The following PTPRD variants were observed in gnomAD, a reference collection of about 807,000 sequenced individuals.
PTPRD encodes the protein protein tyrosine phosphatase receptor type D.
Under a neutral mutation model 214.5 loss-of-function variants are expected in PTPRD, and 34 were observed. That is an observed-to-expected ratio of 0.16 (90% CI 0.12 to 0.21). The LOEUF is 0.21. Among genes scored for constraint, PTPRD ranks in the 10% least tolerant of loss-of-function variants. The pLI is 1.00. For synonymous variants in PTPRD, 1,128 were observed against 845.7 expected (o/e 1.33, Z -5.79); for missense variants, 2,545 against 2,398.7 (o/e 1.06, Z -1.27).
chr9:8,399,331 C>T (rs1237156206), intron 36 of PTPRD, among the ~76,000 whole-genome samples: 1 of 152,060 alleles, frequency 6.6e-6, no homozygotes, highest in Non-Finnish European at 1.5e-5. Context: ...TATGCATGAA[C>T]TTTCTGAAAT....
chr9:10,468,848 T>C (rs183243589), intron 2 of PTPRD, among the ~76,000 whole-genome samples: 60 of 152,244 alleles, frequency 3.9e-4, no homozygotes, highest in Middle Eastern at 3.4e-3. Flanking sequence ...AATGAATACA[T>C]TTAATTACTC....
At chr9:8,773,918 C>A (rs2095346635) in intron 11 of PTPRD, among the ~76,000 whole-genome samples, 1 of 152,130 alleles carries the variant, frequency 6.6e-6, no homozygotes, top group African/African-American at 2.4e-5. Flanking sequence ...AATGTAATGT[C>A]TGTGAAGCTT....
At chr9:8,847,788 G>A (rs553575720) in intron 11 of PTPRD, among the ~76,000 whole-genome samples, 3 of 152,084 alleles carry the variant, frequency 2.0e-5, no homozygotes, top group African/African-American at 7.2e-5. Context: ...CACCCTTATT[G>A]ATAATGAAAC....
intron 2 of PTPRD, among the ~76,000 whole-genome samples, chr9:10,450,366 T>G (rs972577423): frequency 6.6e-6 from 1 of 152,036 alleles, no homozygotes; most frequent in African/African-American, 2.4e-5. Context: ...CGTGCTTAAC[T>G]TCTTTATCTA....
At chr9:9,426,006 C>A (rs572869896) in intron 8 of PTPRD, among the ~76,000 whole-genome samples, 25 of 152,184 alleles carry the variant, frequency 1.6e-4, no homozygotes, top group African/African-American at 5.3e-4. Flanking sequence ...GTGATTTCTG[C>A]ATTTCCAACT....
At chr9:9,753,865 A>G (rs2098544805) in intron 6 of PTPRD, among the ~76,000 whole-genome samples, 1 of 151,978 alleles carries the variant, frequency 6.6e-6, no homozygotes, top group South Asian at 2.1e-4. Context: ...CTTACATTGA[A>G]TCCATGCAAA....
intron 34 of PTPRD, among the ~76,000 whole-genome samples, chr9:8,439,651 G>A (rs2095475659): frequency 1.3e-5 from 2 of 152,150 alleles, no homozygotes; most frequent in South Asian, 4.1e-4. Flanking sequence ...AGTTGAAACT[G>A]TTTAGCTCAT....
intron 14 of PTPRD, among the ~76,000 whole-genome samples, chr9:8,573,692 C>A (rs532003497): frequency 6.6e-6 from 1 of 151,922 alleles, no homozygotes; most frequent in African/African-American, 2.4e-5. Context: ...AAAATATTCT[C>A]TTTATCCAAA....
intron 3 of PTPRD, among the ~76,000 whole-genome samples, chr9:10,318,050 G>A (rs568966200): frequency 3.3e-5 from 5 of 151,740 alleles, no homozygotes; most frequent in South Asian, 2.1e-4. Flanking sequence ...CTGTTGCTAC[G>A]TTTTTTCCCC....
At chr9:8,656,980 T>C (rs372846401) in intron 12 of PTPRD, among the ~76,000 whole-genome samples, 8 of 152,204 alleles carry the variant, frequency 5.3e-5, no homozygotes, top group African/African-American at 1.9e-4. Context: ...TGAAAGTTTA[T>C]GAATTATTAA....
At chr9:8,429,131 A>C (rs1366528495) in intron 35 of PTPRD, among the ~76,000 whole-genome samples, 1 of 152,230 alleles carries the variant, frequency 6.6e-6, no homozygotes, top group East Asian at 1.9e-4. Flanking sequence ...ATTTTCACAG[A>C]AATTTTAAAT....
At chr9:9,748,646 C>T (rs1356759295) in intron 6 of PTPRD, among the ~76,000 whole-genome samples, 1 of 152,142 alleles carries the variant, frequency 6.6e-6, no homozygotes, top group East Asian at 1.9e-4. Context: ...GCTGAAGTCA[C>T]CCACACTACT....
chr9:10,228,973 G>A (rs897540979), intron 3 of PTPRD, among the ~76,000 whole-genome samples: 11 of 151,834 alleles, frequency 7.2e-5, no homozygotes, highest in African/African-American at 2.4e-4. Context: ...TAATTCCTCA[G>A]TTGTTGACAT....
chr9:10,300,107 T>C (rs760727243), intron 3 of PTPRD, among the ~76,000 whole-genome samples: 58 of 152,326 alleles, frequency 3.8e-4, no homozygotes, highest in Non-Finnish European at 7.1e-4. Flanking sequence ...TGATAGTCTG[T>C]ATCAACAGCT....
intron 8 of PTPRD, among the ~76,000 whole-genome samples, chr9:9,474,344 T>C (rs2094864341): frequency 6.7e-6 from 1 of 150,202 alleles, no homozygotes; most frequent in Admixed American, 6.6e-5. Flanking sequence ...TCATGCCGTA[T>C]TGATTATGAT....
chr9:8,348,810 C>T (rs889528587), intron 39 of PTPRD, among the ~76,000 whole-genome samples: 1 of 152,188 alleles, frequency 6.6e-6, no homozygotes, highest in Non-Finnish European at 1.5e-5. Flanking sequence ...CAAGATTCAC[C>T]TCAACTGCTG....
At chr9:8,883,423 A>T (rs1429369411) in intron 11 of PTPRD, among the ~76,000 whole-genome samples, 1 of 152,170 alleles carries the variant, frequency 6.6e-6, no homozygotes, top group East Asian at 1.9e-4. Context: ...TTAGACATTC[A>T]TTGGCCAGTG....
chr9:8,797,154 A>C (rs910984704), intron 11 of PTPRD: 1 of 152,164 alleles, frequency 6.6e-6, no homozygotes, highest in Non-Finnish European at 1.5e-5. Flanking sequence ...AGCTTTTCGA[A>C]TTTGTCTAGC....
intron 39 of PTPRD, among the ~76,000 whole-genome samples, chr9:8,364,165 G>T (rs75974160): frequency 6.6e-6 from 1 of 152,206 alleles, no homozygotes; most frequent in East Asian, 1.9e-4. Context: ...GTTTGCAAGT[G>T]CAAGAAATAG....
Sources: gnomAD v4.1 joint callset for allele counts (sites outside exome capture counted in the v4.1 genomes callset) on GRCh38, gnomAD v4.1.1 for gene constraint, MANE v1.5 for transcripts, NCBI Gene and HGNC (gene_info 2026-07-23, HGNC 2026-07-21) for gene names.